The following KLHL1 variants were observed in gnomAD, a reference collection of about 807,000 sequenced individuals.
The protein encoded by KLHL1 is kelch like family member 1.
In KLHL1, 47 loss-of-function variants were observed where a neutral mutation model predicts 77.7. The ratio of observed to expected loss-of-function variants is 0.60; its 90% CI spans 0.48 to 0.77. The LOEUF is 0.77. Among genes scored for constraint, KLHL1 ranks in the 30% least tolerant of loss-of-function variants. The pLI, the probability that KLHL1 is intolerant of heterozygous loss-of-function variation, is 0.00. For missense variants in KLHL1, 925 were observed against 910.8 expected (o/e 1.02, Z -0.20); for synonymous variants, 360 against 325.2 (o/e 1.11, Z -1.15).
chr13:69,909,007 A>G (rs1038931778), intron 4 of KLHL1, among the ~76,000 whole-genome samples: 22 of 149,768 alleles, frequency 1.5e-4, no homozygotes, highest in African/African-American at 5.1e-4. Context: ...GTTCCTAAAT[A>G]TGGCTTCATC....
chr13:69,987,720 A>G (rs1222927701), intron 1 of KLHL1, among the ~76,000 whole-genome samples: 4 of 152,086 alleles, frequency 2.6e-5, no homozygotes, highest in African/African-American at 9.7e-5. Flanking sequence ...TTTGAAATTT[A>G]TATGAATGAC....
At chr13:69,703,194 A>C (rs1593756961) in intron 10 of KLHL1, among the ~76,000 whole-genome samples, 1 of 151,752 alleles carries the variant, frequency 6.6e-6, no homozygotes, top group Non-Finnish European at 1.5e-5. Context: ...ATAAGATTAT[A>C]ATGGAGCTGA....
intron 1 of KLHL1, among the ~76,000 whole-genome samples, chr13:70,046,793 C>T (rs1442715601): frequency 6.6e-6 from 1 of 152,120 alleles, no homozygotes. Flanking sequence ...GAATTAAAGG[C>T]CCTTACACCC....
chr13:69,823,677 A>C (rs2138082138), intron 6 of KLHL1, among the ~76,000 whole-genome samples: 1 of 152,158 alleles, frequency 6.6e-6, no homozygotes, highest in Admixed American at 6.5e-5. Context: ...ATACAAAATA[A>C]GTAATTAACT....
At position 69,785,675 on chromosome 13, in the gene KLHL1, A is replaced by C. The variant is rs1414230866; in HGVS notation, c.1639+11063T>G. ...CTAAAATCAGAGCAGAACTGAAGGA[A>C]ATAGAGACACAAAAAACCCTTCAAA... On this transcript the variant is annotated intron_variant, in intron 7 of 10. Transcript: ENST00000377844. Among the ~76,000 whole-genome samples, 8 of 150,868 alleles carry C rather than the reference A, an allele frequency of 5.3e-5. No individual in the cohort carries two copies. In the East Asian group the frequency reaches 1.4e-3, roughly 26 times the overall value.
chr13:69,748,645 T>A (rs1874329501), intron 7 of KLHL1, among the ~76,000 whole-genome samples: 1 of 152,038 alleles, frequency 6.6e-6, no homozygotes, highest in South Asian at 2.1e-4. Flanking sequence ...ATGTTTTGTG[T>A]CCTAGTATCC....
chr13:70,075,567 G>GTATATATATATA (rs1887242317), intron 1 of KLHL1, among the ~76,000 whole-genome samples: 1 of 69,364 alleles, frequency 1.4e-5, no homozygotes, highest in Non-Finnish European at 2.9e-5. Flanking sequence ...GTGTGTGTAT[G>GTATATATATATA]TGTATATATA....
At chr13:69,794,399 A>G (rs1164802349) in intron 7 of KLHL1, among the ~76,000 whole-genome samples, 2 of 152,132 alleles carry the variant, frequency 1.3e-5, no homozygotes, top group African/African-American at 4.8e-5. Flanking sequence ...AGAATTATGT[A>G]TTTCAGAGGC....
chr13:69,969,546 A>T (rs1328047742), intron 2 of KLHL1, among the ~76,000 whole-genome samples: 3 of 152,142 alleles, frequency 2.0e-5, no homozygotes, highest in Non-Finnish European at 2.9e-5. Flanking sequence ...CATAAAGTTA[A>T]CCAGCTTAAT....
chr13:69,975,554 C>T (rs1338097581), intron 2 of KLHL1, 66 bp downstream of exon 2: 31 of 1,356,424 alleles, frequency 2.3e-5, no homozygotes, highest in Non-Finnish European at 3.2e-5. Flanking sequence ...ATTCTGCAAT[C>T]TGCATGCCAG....
intron 1 of KLHL1, among the ~76,000 whole-genome samples, chr13:70,063,800 T>C (rs765117630): frequency 1.3e-5 from 2 of 152,144 alleles, no homozygotes; most frequent in Non-Finnish European, 2.9e-5. Context: ...TGGACTCTAA[T>C]TGCTTATCTG....
At chr13:69,983,610 A>G (rs568338872) in intron 1 of KLHL1, among the ~76,000 whole-genome samples, 1 of 149,484 alleles carries the variant, frequency 6.7e-6, no homozygotes, top group East Asian at 2.0e-4. Context: ...AGAAGAGAAA[A>G]AAAAAAAAAA....
At chr13:69,839,900 TTTAGA>T (rs1353558874) in intron 5 of KLHL1, among the ~76,000 whole-genome samples, 1 of 152,048 alleles carries the variant, frequency 6.6e-6, no homozygotes, top group Non-Finnish European at 1.5e-5. Flanking sequence ...TCTTTCGCTC[TTTAGA>T]TTATTTTTCT....
At position 70,056,307 on chromosome 13, in the gene KLHL1, T is replaced by C. The variant is rs536075020; in HGVS notation, c.497+50896A>G. Reference sequence around the variant, plus strand: ...AGGAGATAACAATTGTAAATATATATGCACTGAATACTGGGACACCCAGAT... The same window carrying C: ...AGGAGATAACAATTGTAAATATATACGCACTGAATACTGGGACACCCAGAT... On this transcript the variant is annotated intron_variant, in intron 1 of 10. Transcript: ENST00000377844. Among the ~76,000 whole-genome samples the C allele has an allele frequency of 7.0e-4, 107 of 152,170 alleles. 1 individual carries two copies. In the South Asian group the frequency reaches 0.014, roughly 19 times the overall value.
At chr13:69,981,197 G>C (rs1042984099) in intron 1 of KLHL1, among the ~76,000 whole-genome samples, 1 of 151,058 alleles carries the variant, frequency 6.6e-6, no homozygotes, top group Non-Finnish European at 1.5e-5. Flanking sequence ...TTCTCTGGCA[G>C]TACAATTGTG....
At chr13:69,786,225 T>TG (rs1333989372) in intron 7 of KLHL1, among the ~76,000 whole-genome samples, 12 of 152,302 alleles carry the variant, frequency 7.9e-5, no homozygotes, top group Admixed American at 2.0e-4. Flanking sequence ...TTTAGACCAA[T>TG]ATCCTTGATG....
intron 4 of KLHL1, among the ~76,000 whole-genome samples, chr13:69,931,296 C>A (rs77248278): frequency 0.015 from 2,315 of 151,770 alleles, 53 homozygotes; most frequent in African/African-American, 0.052. Context: ...TGAAATAGTT[C>A]ATTTTGCTGA....
intron 1 of KLHL1, among the ~76,000 whole-genome samples, 171 bp downstream of exon 1, chr13:70,107,032 A>G (rs1162171484): frequency 6.6e-6 from 1 of 152,242 alleles, no homozygotes; most frequent in Middle Eastern, 3.2e-3. Flanking sequence ...AATAGAAATT[A>G]ATGAGCAAAC....
intron 7 of KLHL1, among the ~76,000 whole-genome samples, chr13:69,769,925 G>A (rs763031892): frequency 7.2e-5 from 11 of 152,200 alleles, no homozygotes; most frequent in South Asian, 2.1e-4. Flanking sequence ...AGCTGTGGGC[G>A]GTGACATGCT....
Sources: allele counts gnomAD v4.1 joint callset (sites outside exome capture counted in the v4.1 genomes callset), GRCh38; gene constraint gnomAD v4.1.1; transcripts MANE v1.5; gene names NCBI Gene and HGNC (gene_info 2026-07-23, HGNC 2026-07-21).